COL4A1: variants seen among roughly 807,000 people sequenced by gnomAD.
The protein encoded by COL4A1 is collagen alpha-1(IV) chain.
A neutral mutation model predicts 216.6 loss-of-function variants in COL4A1; 40 were observed. The observed-to-expected ratio is 0.18, with a 90% confidence interval of 0.14 to 0.24. The LOEUF (loss-of-function observed/expected upper bound fraction) is 0.24. Ranked by LOEUF, COL4A1 falls within the 10% of genes least tolerant of loss-of-function variation. The pLI is 1.00. For synonymous variants in COL4A1, 839 were observed against 810.7 expected (o/e 1.03, Z -0.59); for missense variants, 1,628 against 2,196.8 (o/e 0.74, Z 5.18).
intron 2 of COL4A1, among the ~76,000 whole-genome samples, chr13:110,230,435 G>A (rs979142224): frequency 6.6e-6 from 1 of 152,150 alleles, no homozygotes; most frequent in African/African-American, 2.4e-5. Flanking sequence ...TCACACAGGT[G>A]TACATGAGCC....
chr13:110,183,004 G>T lies in COL4A1; in HGVS notation c.2084C>A (p.Pro695His), dbSNP rs1429816947. ...TCTGGCAGGGTTACCTTTGGGGCCG[G>T]GGGGCCCTGGAAATCCAATGCCTGG... is the stretch of plus-strand genomic sequence containing the variant. ...GQPGIGFPGP[P>H]GPKGVDGLPG... Residue 695 changes from proline to histidine, a missense_variant, in exon 28 of 52, where the codon CCC becomes CAC. Pro to His is a moderately conservative substitution (Grantham distance 77, BLOSUM62 -2). This residue lies in a region of COL4A1 where 701 missense variants were observed against 892.5 expected (regional missense o/e 0.79). Coordinates refer to ENST00000375820, the MANE Select transcript of COL4A1 (RefSeq NM_001845.6). 2 of 1,612,600 alleles carry T rather than the reference G, an allele frequency of 1.2e-6. No individual in the cohort carries two copies. Among genetic ancestry groups the T allele is most frequent in the Non-Finnish European group, 1.7e-6 (2 of 1,179,682 alleles).
At chr13:110,183,963 A>G (rs1247867630) in intron 26 of COL4A1, among the ~76,000 whole-genome samples, 2 of 152,190 alleles carry the variant, frequency 1.3e-5, no homozygotes, top group East Asian at 1.9e-4. Flanking sequence ...ACACCTCGTA[A>G]GAGTTCAAGC....
chr13:110,152,095 A>C lies in COL4A1; in HGVS notation c.4928+239T>G, dbSNP rs1876524080. ...TTACATTTTAGTACACTCACCTAGA[A>C]AAAATGGAAAATGACCTTTTTCTTT... is the stretch of plus-strand genomic sequence containing the variant. On this transcript the variant is annotated intron_variant, in intron 51 of 51. Transcript: ENST00000375820. Among the ~76,000 whole-genome samples the C allele has an allele frequency of 2.0e-5, 3 of 152,190 alleles. No individual in the cohort carries two copies. The South Asian group carries it at 6.2e-4, about 32-fold the overall frequency.
chr13:110,265,476 A>T (rs1188180824), intron 1 of COL4A1: 9 of 152,360 alleles, frequency 5.9e-5, no homozygotes, highest in Admixed American at 3.9e-4. Flanking sequence ...CCCAGGAGAG[A>T]CGACACATGT....
intron 25 of COL4A1, 65 bp from the exon 26 acceptor site, chr13:110,186,618 T>C: frequency 6.3e-7 from 1 of 1,586,612 alleles, no homozygotes; most frequent in Non-Finnish European, 8.6e-7. Context: ...CCTTATCGCA[T>C]TCTTCTGACA....
chr13:110,291,999 G>A (rs75000205), intron 1 of COL4A1, among the ~76,000 whole-genome samples: 3,617 of 152,296 alleles, frequency 0.024, 88 homozygotes, highest in South Asian at 0.07. Context: ...CATGTCTTTC[G>A]AGAGATTCAT....
At chr13:110,230,877 G>A (rs1264776369) in intron 2 of COL4A1, among the ~76,000 whole-genome samples, 2 of 152,212 alleles carry the variant, frequency 1.3e-5, no homozygotes, top group African/African-American at 4.8e-5. Flanking sequence ...GGCTCCTGAT[G>A]TGTGGTCCAG....
intron 2 of COL4A1, among the ~76,000 whole-genome samples, chr13:110,237,992 T>C (rs1473852684): frequency 6.6e-6 from 1 of 152,228 alleles, no homozygotes; most frequent in Admixed American, 6.5e-5. Context: ...TCAAATCAGA[T>C]AAGATACACA....
In COL4A1 at chr13:110,178,076, G is replaced by T; in HGVS notation, c.2614C>A (p.Pro872Thr). 6.2e-7 allele frequency: 1 copy of T among 1,614,136 alleles called. No homozygotes were observed. The highest frequency in any genetic ancestry group is 8.5e-7 in the Non-Finnish European group (1 of 1,180,026). Residue 872 changes from proline to threonine, a missense_variant, in exon 32 of 52, where the codon CCT becomes ACT. This residue lies in a region of COL4A1 where 701 missense variants were observed against 892.5 expected (regional missense o/e 0.79). Coordinates refer to ENST00000375820, the MANE Select transcript of COL4A1 (RefSeq NM_001845.6). ...LPGQQGAPGI[P>T]GFPGSKGEMG... is the part of the protein sequence containing the mutation. ...AAAAATCACTTACCTGGAAACCCAG[G>T]AATCCCAGGAGCCCCCTGCTGTCCA...
chr13:110,203,990 A>G (rs1566371965), intron 17 of COL4A1, among the ~76,000 whole-genome samples: 1 of 152,222 alleles, frequency 6.6e-6, no homozygotes. Context: ...TAAAAGCATG[A>G]TTTCCAAATA....
At chr13:110,269,037 G>A (rs1291403510) in intron 1 of COL4A1, among the ~76,000 whole-genome samples, 1 of 152,188 alleles carries the variant, frequency 6.6e-6, no homozygotes, top group Non-Finnish European at 1.5e-5. Flanking sequence ...GGCTCACCAC[G>A]ATGACCCGGA....
intron 1 of COL4A1, among the ~76,000 whole-genome samples, chr13:110,300,407 A>G (rs1336928378): frequency 6.6e-6 from 1 of 152,256 alleles, no homozygotes; most frequent in Non-Finnish European, 1.5e-5. Context: ...CAAAACATTG[A>G]ATTACAGCTG....
intron 1 of COL4A1, among the ~76,000 whole-genome samples, chr13:110,281,147 C>T (rs955767709): frequency 1.3e-5 from 2 of 152,084 alleles, no homozygotes; most frequent in South Asian, 4.1e-4. Flanking sequence ...GTGTAAGCCA[C>T]AAAACGTGGC....
chr13:110,215,345 A>C (rs1332559252), intron 2 of COL4A1, among the ~76,000 whole-genome samples: 3 of 152,170 alleles, frequency 2.0e-5, no homozygotes, highest in Non-Finnish European at 4.4e-5. Flanking sequence ...AGATCACCAG[A>C]GGTCAGGAGT....
At chr13:110,195,537 T>TC (rs1878847473) in intron 21 of COL4A1, among the ~76,000 whole-genome samples, 1 of 152,100 alleles carries the variant, frequency 6.6e-6, no homozygotes, top group Non-Finnish European at 1.5e-5. Flanking sequence ...CTTCCTTTTT[T>TC]CCCCCTCTAA....
chr13:110,175,232 G>A lies in COL4A1; in HGVS notation c.3184C>T (p.Leu1062=), dbSNP rs1877828318. The part of the protein sequence containing the change: ...AGPPGIGIPG[L]RGEKGDQGIA... The stretch of plus-strand genomic sequence containing the variant: ...GCGCTGGTTACCTTTTCACCTCGCA[G>A]CCCTGGGATGCCTATGCCAGGTGGG... The change falls in exon 37 of 52, where the codon CTG becomes TTG. Residue 1062 remains leucine (L), a synonymous_variant. Coordinates refer to ENST00000375820, the MANE Select transcript of COL4A1 (RefSeq NM_001845.6). 6.2e-7 allele frequency: 1 copy of A among 1,614,098 alleles called. No homozygotes were observed. Among genetic ancestry groups the A allele is most frequent in the African/African-American group, 1.3e-5 (1 of 74,928 alleles).
intron 29 of COL4A1, 24 bp downstream of exon 29, chr13:110,181,268 A>T: frequency 6.2e-7 from 1 of 1,607,690 alleles, no homozygotes; most frequent in Non-Finnish European, 8.5e-7. Context: ...GAGAAGGGTC[A>T]TGGAGGGAAT....
Position 110,227,326 on chromosome 13 carries a change from A to G in COL4A1, c.145-13311T>C, listed in dbSNP as rs140227254. On this transcript the variant is annotated intron_variant, in intron 2 of 51. Coordinates refer to ENST00000375820, the MANE Select transcript of COL4A1 (RefSeq NM_001845.6). ...ATAAACATGTTACACTTTCCCACGTATATGGATTTTTTTTTAAGTTACATC... is the reference window on the plus strand; with the variant it reads ...ATAAACATGTTACACTTTCCCACGTGTATGGATTTTTTTTTAAGTTACATC... 5.5e-3 allele frequency among the ~76,000 whole-genome samples: 832 copies of G among 151,782 alleles called. 3 individuals are homozygous for G. Among genetic ancestry groups the G allele is most frequent in the Non-Finnish European group, 9.2e-3 (622 of 67,914 alleles).
At position 110,173,902 on chromosome 13, in the gene COL4A1, G is replaced by T; in HGVS notation, c.3503C>A (p.Pro1168Gln). The T allele has an allele frequency of 6.2e-7, 1 of 1,614,164 alleles. No homozygotes were observed. The highest frequency in any genetic ancestry group is 8.5e-7 in the Non-Finnish European group (1 of 1,180,024). The change falls in exon 40 of 52, where the codon CCA (proline) becomes CAA (glutamine). Residue 1168 changes from proline to glutamine, a missense_variant and splice_region_variant. By Grantham distance (76) the Pro-to-Gln change is moderately conservative. This residue lies in a region of COL4A1 where 345 missense variants were observed against 476.9 expected (regional missense o/e 0.72). Transcript: ENST00000375820. ...IPGSAGEKGE[P>Q]GLPGRGFPGF... The stretch of plus-strand genomic sequence containing the variant: ...GGGAATGGGGCGTTGGGCCATACCT[G>T]GTTCACCCTTCTCTCCTGCTGACCC...
Sources: allele counts gnomAD v4.1 joint callset (sites outside exome capture counted in the v4.1 genomes callset), GRCh38; gene constraint gnomAD v4.1.1; regional missense constraint gnomAD v4.1.1; transcripts MANE v1.5; gene names NCBI Gene and HGNC (gene_info 2026-07-23, HGNC 2026-07-21).